NLRP13: variants seen among roughly 807,000 people sequenced by gnomAD.
The protein encoded by NLRP13 is NLR family pyrin domain containing 13.
Under a neutral mutation model 94.4 loss-of-function variants are expected in NLRP13, and 82 were observed. The observed-to-expected ratio is 0.87, with a 90% CI of 0.73 to 1.04. NLRP13 has a LOEUF of 1.04. Ranked by LOEUF, NLRP13 falls within the 50% of genes least tolerant of loss-of-function variation. NLRP13 has a pLI of 0.00. For missense variants in NLRP13, 1,426 were observed against 1,230.8 expected, an observed-to-expected ratio of 1.16 and a Z score of -2.37; for synonymous variants, 553 against 464.7, an observed-to-expected ratio of 1.19 and a Z score of -2.45.
intron 5 of NLRP13, 129 bp from the exon 6 acceptor site, chr19:55,910,862 A>C (rs1422490580): frequency 2.5e-6 from 2 of 813,668 alleles, no homozygotes; most frequent in African/African-American, 3.4e-5. Flanking sequence ...GGCTGGGTGC[A>C]GTGGCTCACG....
At chr19:55,928,075 C>A (rs1423724341) in intron 1 of NLRP13, among the ~76,000 whole-genome samples, 5 of 152,122 alleles carry the variant, frequency 3.3e-5, no homozygotes, top group East Asian at 1.9e-4. Flanking sequence ...TTTTATCGTC[C>A]CCTGCATGGC....
chr19:55,900,775 T>TAACAAA lies in NLRP13; in HGVS notation c.2789+1259_2789+1260insTTTGTT, dbSNP rs1555813815. 2.0e-3 allele frequency among the ~76,000 whole-genome samples: 269 copies of TAACAAA among 134,208 alleles called. 4 individuals carry two copies. Among genetic ancestry groups the TAACAAA allele is most frequent in the Middle Eastern group, 0.02 (5 of 250 alleles). The allele number at this position is 134,208 out of a possible 152,430, so 88.0% of individuals were successfully genotyped here. The stretch of plus-strand genomic sequence containing the variant: ...TGAGTGACAGAACAAGACTCCATCT[T>TAACAAA]AAAAAAAAAAAAAAAATCTAGAACC... On this transcript the variant is annotated intron_variant, in intron 9 of 10. Coordinates refer to ENST00000342929, the MANE Select transcript of NLRP13 (RefSeq NM_176810.2).
intron 6 of NLRP13, among the ~76,000 whole-genome samples, chr19:55,909,190 C>T (rs1986436448): frequency 6.6e-6 from 1 of 152,098 alleles, no homozygotes; most frequent in Admixed American, 6.5e-5. Flanking sequence ...TCTATAGTTC[C>T]CCCCCGGCTT....
At chr19:55,902,798 T>A (rs1035853831) in intron 8 of NLRP13, among the ~76,000 whole-genome samples, 13 of 151,262 alleles carry the variant, frequency 8.6e-5, no homozygotes, top group African/African-American at 2.9e-4. Context: ...AGTTACATAA[T>A]AGTATATCGT....
intron 4 of NLRP13, among the ~76,000 whole-genome samples, chr19:55,923,538 T>C (rs1366655458): frequency 6.6e-6 from 1 of 152,094 alleles, no homozygotes; most frequent in East Asian, 1.9e-4. Context: ...TGCCCACAAG[T>C]GTGTTGACTC....
chr19:55,893,467 C>T (rs1242210011), downstream of NLRP13, among the ~76,000 whole-genome samples: 1 of 152,166 alleles, frequency 6.6e-6, no homozygotes, highest in East Asian at 1.9e-4. Flanking sequence ...ACTTTGGCAC[C>T]TACCTACAGA....
intron 5 of NLRP13, among the ~76,000 whole-genome samples, 159 bp downstream of exon 5, chr19:55,911,547 A>T (rs1323975417): frequency 6.6e-6 from 1 of 152,276 alleles, no homozygotes; most frequent in Non-Finnish European, 1.5e-5. Context: ...TGATGCCTAA[A>T]GGACAACATT....
chr19:55,903,728 T>TC (rs1030135501), intron 8 of NLRP13, among the ~76,000 whole-genome samples: 1 of 151,908 alleles, frequency 6.6e-6, no homozygotes, highest in Non-Finnish European at 1.5e-5. Context: ...CTTGGTACCC[T>TC]CCCTCCTAAA....
chr19:55,928,061 G>A (rs1987013266), intron 1 of NLRP13, among the ~76,000 whole-genome samples: 1 of 152,192 alleles, frequency 6.6e-6, no homozygotes, highest in Non-Finnish European at 1.5e-5. Context: ...TCCAACTGCT[G>A]AGCTTTTATC....
At chr19:55,897,112 A>G (rs1039531094) in intron 10 of NLRP13, among the ~76,000 whole-genome samples, 2 of 152,144 alleles carry the variant, frequency 1.3e-5, no homozygotes, top group African/African-American at 4.8e-5. Context: ...AAATTCAACA[A>G]TACAAAATTT....
At chr19:55,891,874 G>A (rs553816394), downstream of NLRP13, 1 of 390,454 alleles carries the variant, frequency 2.6e-6, no homozygotes, top group African/African-American at 2.1e-5. Context: ...CCGTGACAAA[G>A]CCTCCTGCAG....
intron 9 of NLRP13, among the ~76,000 whole-genome samples, chr19:55,900,009 A>G (rs1351684567): frequency 1.3e-5 from 2 of 150,834 alleles, no homozygotes; most frequent in African/African-American, 2.4e-5. Context: ...TTAATAGAAC[A>G]TTGTACCTTT....
At chr19:55,893,220 C>G (rs1342236006), downstream of NLRP13, among the ~76,000 whole-genome samples, 1 of 152,086 alleles carries the variant, frequency 6.6e-6, no homozygotes, top group Admixed American at 6.6e-5. Context: ...GAAACCCCAT[C>G]TCTACTAAAA....
At chr19:55,931,234 C>A (rs1268758088) in intron 1 of NLRP13, among the ~76,000 whole-genome samples, 3 of 152,058 alleles carry the variant, frequency 2.0e-5, no homozygotes, top group Admixed American at 2.0e-4. Context: ...GCATTGTGTA[C>A]AATCCTACAT....
In NLRP13 at chr19:55,902,058, T is replaced by C. The variant is rs1423025618; in HGVS notation, c.2766A>G (p.Pro922=). The change falls in exon 9 of 11, where the codon CCA becomes CCG. Residue 922 remains proline (P), a synonymous_variant. Transcript: ENST00000342929. Reference sequence around the variant, plus strand: ...ACTTCAGGCTCTGCAGGTTACCATCTGGGCGACCCAAGGCCTCACACAGGA... The same window carrying C: ...ACTTCAGGCTCTGCAGGTTACCATCCGGGCGACCCAAGGCCTCACACAGGA... The part of the protein sequence containing the change: ...VKFLCEALGR[P]DGNLQSLNLS... The C allele has an allele frequency of 2.5e-6, 4 of 1,614,152 alleles. No homozygotes were observed. The highest frequency in any genetic ancestry group is 3.4e-6 in the Non-Finnish European group (4 of 1,179,992).
chr19:55,911,671 A>T, intron 5 of NLRP13, 35 bp downstream of exon 5: 1 of 1,531,712 alleles, frequency 6.5e-7, no homozygotes, highest in Non-Finnish European at 8.8e-7. Flanking sequence ...AGAAAACAGG[A>T]GAAAGCTGAG....
Position 55,932,329 on chromosome 19 carries a change from G to A in NLRP13, c.-18C>T. 1.3e-6 allele frequency: 2 copies of A among 1,592,872 alleles called. No homozygotes were observed. The highest frequency in any genetic ancestry group is 1.7e-6 in the Non-Finnish European group (2 of 1,174,884). ...AAGTTCATCTTGCCCAACACATGCA[G>A]TTTCTCACTTCAGCAAAGGACTCCT... is the stretch of plus-strand genomic sequence containing the variant. On this transcript the variant is annotated 5_prime_UTR_variant, in exon 1 of 11. Transcript: ENST00000342929.
chr19:55,910,564 T>C lies in NLRP13; in HGVS notation c.2281A>G (p.Thr761Ala). The C allele has an allele frequency of 6.3e-7, 1 of 1,593,996 alleles. No homozygotes were observed. Among genetic ancestry groups the C allele is most frequent in the Non-Finnish European group, 8.6e-7 (1 of 1,166,000 alleles). ...KNPRCKVQKL[T>A]CKSVTPEWVL... ...GAGCTGCTGGCGTCTCACACTTACGTCAGTTTCTGGACTTTGCATCTTGGA... is the reference window on the plus strand; with the variant it reads ...GAGCTGCTGGCGTCTCACACTTACGCCAGTTTCTGGACTTTGCATCTTGGA... Residue 761 changes from threonine (T) to alanine (A), a missense_variant and splice_region_variant, in exon 6 of 11, where the codon ACG (threonine) becomes GCG (alanine). Thr to Ala is a moderately conservative substitution (Grantham distance 58). Coordinates refer to ENST00000342929, the MANE Select transcript of NLRP13 (RefSeq NM_176810.2).
In NLRP13 at chr19:55,912,569, TTCG is replaced by T; in HGVS notation, c.1245_1247del (p.Asn415_Glu416delinsLys). 1 of 1,614,098 alleles carries T rather than the reference TTCG, an allele frequency of 6.2e-7. No individual in the cohort carries two copies. Among genetic ancestry groups the T allele is most frequent in the Non-Finnish European group, 8.5e-7 (1 of 1,180,010 alleles). On this transcript the variant is annotated inframe_deletion, in exon 5 of 11. Transcript: ENST00000342929. ...GGGCACTGCAGGAATGAAAGAGAGTTTCGTTTTTTCTTAGCTGCTGCAGGATTT... is the reference window on the plus strand; with the variant it reads ...GGGCACTGCAGGAATGAAAGAGAGTTTTTTTTCTTAGCTGCTGCAGGATTT...
Sources: gnomAD v4.1 joint callset for allele counts (sites outside exome capture counted in the v4.1 genomes callset) on GRCh38, gnomAD v4.1.1 for gene constraint, MANE v1.5 for transcripts, NCBI Gene and HGNC (gene_info 2026-07-23, HGNC 2026-07-21) for gene names.